Variants in LSAMP observed in about 807,000 individuals in gnomAD.
LSAMP encodes limbic system-associated membrane protein.
In LSAMP, 7 loss-of-function variants were observed where a neutral mutation model predicts 38.6. That is an observed-to-expected ratio of 0.18 (90% confidence interval 0.10 to 0.34). The LOEUF is 0.34. LSAMP is among the 10% of genes least tolerant of loss of function. LSAMP has a pLI of 1.00. For missense variants in LSAMP, 313 were observed against 420.0 expected (o/e 0.75, Z 2.23); for synonymous variants, 154 against 166.8 (o/e 0.92, Z 0.59).
chr3:115,993,593 T>A (rs1298519447), intron 3 of LSAMP, among the ~76,000 whole-genome samples: 1 of 152,092 alleles, frequency 6.6e-6, no homozygotes, highest in African/African-American at 2.4e-5. Flanking sequence ...TTTGTGATAT[T>A]TTCCTTGTGC....
At chr3:116,335,406 A>C (rs983144147) in intron 1 of LSAMP, among the ~76,000 whole-genome samples, 5 of 152,086 alleles carry the variant, frequency 3.3e-5, no homozygotes, top group Non-Finnish European at 7.4e-5. Context: ...CAAATAGTCA[A>C]AACAATATTT....
In LSAMP at chr3:115,816,363, C is replaced by G. The variant is rs962098121; in HGVS notation, c.920-5949G>C. Among the ~76,000 whole-genome samples the G allele has an allele frequency of 1.6e-4, 25 of 152,228 alleles. No homozygotes were observed. The Middle Eastern group carries it at 0.01, about 62-fold the overall frequency. On this transcript the variant is annotated intron_variant, in intron 6 of 6. Transcript: ENST00000490035. Reference sequence around the variant, plus strand: ...GGGAAAGTAGGAACAGGGAGCAGCGCAAAGCATAACTTGCTGTGTTCCAGG... The same window carrying G: ...GGGAAAGTAGGAACAGGGAGCAGCGGAAAGCATAACTTGCTGTGTTCCAGG...
chr3:115,936,654 C>G (rs1937711639), intron 3 of LSAMP, among the ~76,000 whole-genome samples: 1 of 152,056 alleles, frequency 6.6e-6, no homozygotes. Flanking sequence ...AAAAATTAGC[C>G]TTTGGGAACC....
At chr3:116,040,264 G>A (rs983487388) in intron 2 of LSAMP, among the ~76,000 whole-genome samples, 3 of 152,200 alleles carry the variant, frequency 2.0e-5, no homozygotes, top group Non-Finnish European at 4.4e-5. Flanking sequence ...CTGCCAGAAT[G>A]GGACTTAAGA....
At chr3:115,855,398 A>AT (rs1935475215) in intron 3 of LSAMP, among the ~76,000 whole-genome samples, 1 of 152,188 alleles carries the variant, frequency 6.6e-6, no homozygotes, top group African/African-American at 2.4e-5. Flanking sequence ...TCCTTATCAG[A>AT]TAAACTTTCA....
At chr3:116,148,088 TAA>T (rs1362987054) in intron 1 of LSAMP, among the ~76,000 whole-genome samples, 3 of 151,710 alleles carry the variant, frequency 2.0e-5, no homozygotes, top group African/African-American at 7.3e-5. Context: ...ATCTACTTCT[TAA>T]TTTGCTTGTT....
chr3:116,106,278 G>A (rs965821853), intron 1 of LSAMP, among the ~76,000 whole-genome samples: 6 of 152,134 alleles, frequency 3.9e-5, no homozygotes, highest in Non-Finnish European at 7.3e-5. Context: ...AGTGTAAACC[G>A]GCAGTGTAAA....
At chr3:116,168,057 G>A (rs1710103635) in intron 1 of LSAMP, among the ~76,000 whole-genome samples, 1 of 152,194 alleles carries the variant, frequency 6.6e-6, no homozygotes, top group Non-Finnish European at 1.5e-5. Context: ...CCTAGGATAA[G>A]CAGAACTATC....
chr3:116,432,325 A>T (rs543587485), intron 1 of LSAMP, among the ~76,000 whole-genome samples: 1 of 151,728 alleles, frequency 6.6e-6, no homozygotes, highest in East Asian at 1.9e-4. Context: ...TTTACATATA[A>T]TTATAAATAT....
chr3:116,398,229 G>A (rs1312051054), intron 1 of LSAMP, among the ~76,000 whole-genome samples: 3 of 152,098 alleles, frequency 2.0e-5, no homozygotes, highest in Non-Finnish European at 4.4e-5. Context: ...TGTATTCTCA[G>A]TACCTAACAC....
chr3:116,142,122 T>G (rs775506915), intron 1 of LSAMP, among the ~76,000 whole-genome samples: 2 of 151,992 alleles, frequency 1.3e-5, no homozygotes, highest in Non-Finnish European at 1.5e-5. Context: ...TAAACACTTA[T>G]AGCATGGACA....
At chr3:116,286,569 T>TCTAA (rs1447219845) in intron 1 of LSAMP, among the ~76,000 whole-genome samples, 1 of 152,156 alleles carries the variant, frequency 6.6e-6, no homozygotes, top group African/African-American at 2.4e-5. Flanking sequence ...CTTCTCTTCC[T>TCTAA]CTAACTCACC....
At chr3:115,969,191 G>GTA (rs1938929258) in intron 3 of LSAMP, among the ~76,000 whole-genome samples, 8 of 152,098 alleles carry the variant, frequency 5.3e-5, no homozygotes, top group Non-Finnish European at 8.8e-5. Flanking sequence ...GCTTTCATGT[G>GTA]TGGATAGTTG....
chr3:116,013,212 G>A (rs188273167), intron 3 of LSAMP, among the ~76,000 whole-genome samples: 1 of 152,276 alleles, frequency 6.6e-6, no homozygotes, highest in Admixed American at 6.5e-5. Context: ...TCCAACACTT[G>A]CAAGAATAGC....
chr3:116,148,911 A>G (rs1709548121), intron 1 of LSAMP, among the ~76,000 whole-genome samples: 2 of 152,008 alleles, frequency 1.3e-5, no homozygotes, highest in South Asian at 2.1e-4. Context: ...CAATCACAGA[A>G]GTCAATAGAG....
intron 3 of LSAMP, among the ~76,000 whole-genome samples, chr3:115,937,376 C>T (rs894284011): frequency 6.6e-6 from 1 of 152,070 alleles, no homozygotes; most frequent in Non-Finnish European, 1.5e-5. Flanking sequence ...CATGGTAGCT[C>T]ATACCTGTAA....
At chr3:116,305,997 T>C (rs1462873558) in intron 1 of LSAMP, among the ~76,000 whole-genome samples, 1 of 151,756 alleles carries the variant, frequency 6.6e-6, no homozygotes, top group East Asian at 1.9e-4. Flanking sequence ...TTGTACTGTG[T>C]GCCCAGTACA....
chr3:116,140,873 G>T (rs1017942760), intron 1 of LSAMP, among the ~76,000 whole-genome samples: 2 of 151,928 alleles, frequency 1.3e-5, no homozygotes, highest in Non-Finnish European at 2.9e-5. Context: ...GGAAATTCAG[G>T]TTTCTGGAAA....
At chr3:116,129,290 A>G (rs992760881) in intron 1 of LSAMP, among the ~76,000 whole-genome samples, 2 of 152,220 alleles carry the variant, frequency 1.3e-5, no homozygotes, top group African/African-American at 4.8e-5. Context: ...TGAGTAAATC[A>G]TAAACATAAG....
Sources: allele counts gnomAD v4.1 joint callset (sites outside exome capture counted in the v4.1 genomes callset), GRCh38; gene constraint gnomAD v4.1.1; transcripts MANE v1.5; gene names NCBI Gene and HGNC (gene_info 2026-07-23, HGNC 2026-07-21).